Variants in NEURL1 observed in about 807,000 individuals in gnomAD.
NEURL1 encodes neuralized E3 ubiquitin protein ligase 1.
NEURL1 carries 26 observed loss-of-function variants against 41.2 expected under a neutral mutation model. The ratio of observed to expected loss-of-function variants is 0.63; its 90% CI spans 0.46 to 0.87. The LOEUF is 0.87. Among genes scored for constraint, NEURL1 ranks in the 40% least tolerant of loss-of-function variants. The pLI is 0.00. For missense variants in NEURL1, 761 were observed against 871.1 expected, an observed-to-expected ratio of 0.87 and a Z score of 1.59; for synonymous variants, 400 against 402.3, an observed-to-expected ratio of 0.99 and a Z score of 0.07.
At chr10:103,505,826 C>A (rs1280706973) in intron 1 of NEURL1, among the ~76,000 whole-genome samples, 2 of 152,212 alleles carry the variant, frequency 1.3e-5, no homozygotes, top group African/African-American at 2.4e-5. Context: ...GCCAGAGTCA[C>A]CCCAGCCCTC....
chr10:103,588,994 G>A (rs2035982412), intron 4 of NEURL1: 1 of 437,122 alleles, frequency 2.3e-6, no homozygotes, highest in Admixed American at 2.6e-5. Flanking sequence ...GGAGGAAGGA[G>A]GGGAGGAGAG....
intron 1 of NEURL1, among the ~76,000 whole-genome samples, chr10:103,519,190 T>A (rs2034287130): frequency 6.6e-6 from 1 of 151,812 alleles, no homozygotes; most frequent in Admixed American, 6.6e-5. Flanking sequence ...GAGGTTGCAG[T>A]GAGCCGAGAT....
chr10:103,522,097 G>A (rs975777145), intron 1 of NEURL1, among the ~76,000 whole-genome samples: 6 of 152,076 alleles, frequency 3.9e-5, no homozygotes, highest in Non-Finnish European at 7.4e-5. Context: ...TTAATCACTC[G>A]GTTAAGGTGG....
chr10:103,521,458 C>T (rs555762766), intron 1 of NEURL1, among the ~76,000 whole-genome samples: 26 of 152,224 alleles, frequency 1.7e-4, no homozygotes, highest in East Asian at 9.6e-4. Flanking sequence ...GGCAAATCCC[C>T]GAGCTTGATG....
chr10:103,563,889 G>A (rs544615403), intron 1 of NEURL1, among the ~76,000 whole-genome samples: 3 of 152,206 alleles, frequency 2.0e-5, no homozygotes, highest in Non-Finnish European at 4.4e-5. Context: ...TAACTTCAGA[G>A]GATCTGTGCC....
chr10:103,589,479 A>G (rs1444426878), intron 4 of NEURL1, 35 bp from the exon 5 acceptor site: 5 of 1,557,226 alleles, frequency 3.2e-6, no homozygotes, highest in Non-Finnish European at 4.4e-6. Context: ...CTGGGCAGGC[A>G]GCTAGTGTGT....
rs2033624581 is a variant in NEURL1, at chr10:103,494,245, T to TGCCC, written c.-134_-131dup. 1 of 598,146 alleles carries TGCCC rather than the reference T, an allele frequency of 1.7e-6. No homozygotes were observed. The highest frequency in any genetic ancestry group is 2.3e-5 in the South Asian group (1 of 43,420). 37.1% of individuals were successfully genotyped at this position (598,146 alleles called of 1,614,324 possible). ...GTCCAGAGAAAGGAAGCTGAGGAGCTGCCCGCCCGCCCCCGGCTGCAGCCC... is the reference window on the plus strand; with the variant it reads ...GTCCAGAGAAAGGAAGCTGAGGAGCTGCCCGCCCGCCCGCCCCCGGCTGCAGCCC... On this transcript the variant is annotated 5_prime_UTR_variant, in exon 1 of 6. Transcript: ENST00000369780.
At chr10:103,585,832 CAA>C (rs764619225) in intron 4 of NEURL1, among the ~76,000 whole-genome samples, 129 of 91,444 alleles carry the variant, frequency 1.4e-3, no homozygotes, top group East Asian at 1.6e-3. Context: ...GACTCCGTCT[CAA>C]AAAAAAAAAA....
At chr10:103,519,746 T>G (rs929086678) in intron 1 of NEURL1, among the ~76,000 whole-genome samples, 3 of 151,244 alleles carry the variant, frequency 2.0e-5, no homozygotes, top group Admixed American at 6.6e-5. Context: ...TTTTAAACTC[T>G]ACTACCATCA....
At chr10:103,562,580 A>G (rs897633420) in intron 1 of NEURL1, among the ~76,000 whole-genome samples, 1 of 152,222 alleles carries the variant, frequency 6.6e-6, no homozygotes, top group Non-Finnish European at 1.5e-5. Flanking sequence ...TGGATGCAGA[A>G]GAGACAAGTC....
At chr10:103,517,549 T>C (rs1311394569) in intron 1 of NEURL1, among the ~76,000 whole-genome samples, 40 of 152,204 alleles carry the variant, frequency 2.6e-4, no homozygotes, top group Admixed American at 2.6e-3. Context: ...GGCCTTTGCC[T>C]GAGCTGGCCC....
intron 1 of NEURL1, among the ~76,000 whole-genome samples, chr10:103,542,010 CA>C (rs532146753): frequency 2.0e-4 from 31 of 152,264 alleles, no homozygotes; most frequent in Non-Finnish European, 3.8e-4. Flanking sequence ...TTCTGTGGAG[CA>C]AGGATCCCTT....
intron 1 of NEURL1, among the ~76,000 whole-genome samples, chr10:103,499,613 C>T (rs190464698): frequency 1.7e-4 from 26 of 152,056 alleles, no homozygotes; most frequent in Admixed American, 3.3e-4. Context: ...CACAGGCCCA[C>T]GCCACCACTC....
At chr10:103,563,103 G>A (rs2035340051) in intron 1 of NEURL1, among the ~76,000 whole-genome samples, 1 of 152,192 alleles carries the variant, frequency 6.6e-6, no homozygotes, top group South Asian at 2.1e-4. Context: ...TCTGAGATTA[G>A]GACGTTTGGG....
chr10:103,507,874 G>A (rs770090421), intron 1 of NEURL1, among the ~76,000 whole-genome samples: 15 of 152,126 alleles, frequency 9.9e-5, no homozygotes, highest in Admixed American at 2.6e-4. Context: ...CAGGTGGCTC[G>A]CCTCCCTGTA....
chr10:103,563,809 A>T (rs2035358898), intron 1 of NEURL1, among the ~76,000 whole-genome samples: 1 of 152,206 alleles, frequency 6.6e-6, no homozygotes, highest in African/African-American at 2.4e-5. Flanking sequence ...ACAGTTAGTG[A>T]CAGAGCTGCT....
intron 1 of NEURL1, among the ~76,000 whole-genome samples, chr10:103,551,595 T>G (rs935369915): frequency 6.6e-6 from 1 of 152,194 alleles, no homozygotes. Flanking sequence ...TAAGCCACTG[T>G]GCCCGGCCCC....
intron 3 of NEURL1, among the ~76,000 whole-genome samples, chr10:103,577,251 G>GC (rs1393998139): frequency 2.0e-5 from 3 of 152,008 alleles, no homozygotes; most frequent in Admixed American, 6.6e-5. Context: ...CTATATCAGT[G>GC]CCCCACACCA....
chr10:103,574,627 C>G (rs2035619097), intron 3 of NEURL1, among the ~76,000 whole-genome samples: 1 of 152,184 alleles, frequency 6.6e-6, no homozygotes, highest in South Asian at 2.1e-4. Flanking sequence ...GCTGGGCCTA[C>G]AAGTTCCAGG....
Sources: gnomAD v4.1 joint callset for allele counts (sites outside exome capture counted in the v4.1 genomes callset) on GRCh38, gnomAD v4.1.1 for gene constraint, MANE v1.5 for transcripts, NCBI Gene and HGNC (gene_info 2026-07-23, HGNC 2026-07-21) for gene names.